PDE10A: variants seen among roughly 807,000 people sequenced by gnomAD.
PDE10A encodes the protein cAMP and cAMP-inhibited cGMP 3',5'-cyclic phosphodiesterase 10A.
Under a neutral mutation model 97.7 loss-of-function variants are expected in PDE10A, and 39 were observed. The ratio of observed to expected loss-of-function variants is 0.40; its 90% CI spans 0.31 to 0.52. The LOEUF (loss-of-function observed/expected upper bound fraction) is 0.52, where lower values mean the gene tolerates loss of function less well. Ranked by LOEUF, PDE10A falls within the 20% of genes least tolerant of loss-of-function variation. The pLI, the probability that PDE10A is intolerant of heterozygous loss-of-function variation, is 0.56. For missense variants in PDE10A, 731 were observed against 1,047.8 expected (o/e 0.70, Z 4.17); for synonymous variants, 371 against 376.8 (o/e 0.98, Z 0.18).
intron 1 of PDE10A, among the ~76,000 whole-genome samples, chr6:165,601,668 G>C (rs1786959626): frequency 1.3e-5 from 2 of 152,180 alleles, no homozygotes; most frequent in African/African-American, 4.8e-5. Flanking sequence ...TAACTACTTA[G>C]TGTTTCTCGA....
At chr6:165,376,634 G>A (rs1450593117) in intron 18 of PDE10A, among the ~76,000 whole-genome samples, 2 of 152,206 alleles carry the variant, frequency 1.3e-5, no homozygotes, top group East Asian at 1.9e-4. Context: ...CCACATCCAG[G>A]CTGGGCACAG....
chr6:165,826,778 AGG>A (rs146792973), intron 1 of PDE10A, among the ~76,000 whole-genome samples: 1 of 68,298 alleles, frequency 1.5e-5, no homozygotes, highest in Admixed American at 1.5e-4. Flanking sequence ...TGCGGTTGGG[AGG>A]GGGGACGCAC....
In PDE10A at chr6:165,661,677, G is replaced by A. The variant is rs117579087; in HGVS notation, c.865+270C>T. The A allele has an allele frequency of 4.7e-6, 2 of 427,878 alleles. No individual in the cohort carries two copies. The highest frequency in any genetic ancestry group is 8.2e-5 in the East Asian group (2 of 24,404). The allele number at this position is 427,878 out of a possible 1,614,324, so 26.5% of individuals were successfully genotyped here. A position where few individuals can be genotyped will look rare whatever the true frequency, so the allele number is the denominator to read the frequency against. ...GGAGGCGGCAGGTCCCGCTCGCAAC[G>A]TCCAAGCTCCCGCCGCCCTCCCGAG... On this transcript the variant is annotated intron_variant, in intron 1 of 21. Coordinates refer to ENST00000539869, the MANE Select transcript of PDE10A (RefSeq NM_001385079.1). The surrounding 1 kb of genome is among the most constrained non-coding windows in gnomAD (Gnocchi z 4.8).
At chr6:165,609,314 C>T (rs1425395652) in intron 1 of PDE10A, among the ~76,000 whole-genome samples, 7 of 152,310 alleles carry the variant, frequency 4.6e-5, no homozygotes, top group South Asian at 2.1e-4. Flanking sequence ...AACAGCCCTT[C>T]ATGCTAAAAA....
intron 5 of PDE10A, among the ~76,000 whole-genome samples, chr6:165,440,463 G>A (rs1210304533): frequency 6.6e-6 from 1 of 152,188 alleles, no homozygotes; most frequent in African/African-American, 2.4e-5. Flanking sequence ...GGGGCAGGGG[G>A]AAGCTATGTT....
intron 1 of PDE10A, among the ~76,000 whole-genome samples, chr6:165,742,488 A>G (rs777854764): frequency 5.4e-4 from 82 of 152,126 alleles, no homozygotes; most frequent in Non-Finnish European, 9.1e-4. Flanking sequence ...TCTGATGCCA[A>G]ACCCCCACTG....
Position 165,332,947 on chromosome 6 carries a change from C to T in PDE10A, c.*78G>A, listed in dbSNP as rs1781425206. On this transcript the variant is annotated 3_prime_UTR_variant, in exon 22 of 22. Transcript: ENST00000539869. ...ACCAGGTGCAGGTTCCCCCCACCCC[C>T]CCCAAAAAAAGGAAAAGAATGTCAA... 2 of 671,390 alleles carry T rather than the reference C, an allele frequency of 3.0e-6. No individual in the cohort carries two copies. The highest frequency in any genetic ancestry group is 5.4e-6 in the Non-Finnish European group (2 of 372,220). The allele number at this position is 671,390 out of a possible 1,614,324, so 41.6% of individuals were successfully genotyped here.
chr6:165,801,976 A>G (rs1778998217), intron 1 of PDE10A, among the ~76,000 whole-genome samples: 1 of 152,174 alleles, frequency 6.6e-6, no homozygotes, highest in Admixed American at 6.5e-5. Flanking sequence ...ACGTGTTTTT[A>G]AGAGGAAAAA....
chr6:165,540,394 T>C lies in PDE10A; in HGVS notation c.994+3046A>G, dbSNP rs936950463. On this transcript the variant is annotated intron_variant, in intron 2 of 21. Coordinates refer to ENST00000539869, the MANE Select transcript of PDE10A (RefSeq NM_001385079.1). ...TTGTACATATTTATGGGGTACAGTG[T>C]GTTACACGGTTTTATTTCATTTTCT... 6.0e-4 allele frequency among the ~76,000 whole-genome samples: 91 copies of C among 152,354 alleles called. 1 individual carries two copies. Among genetic ancestry groups the C allele is most frequent in the African/African-American group, 2.1e-3 (87 of 41,574 alleles).
At chr6:165,668,819 G>C (rs1474882140) in intron 1 of PDE10A, among the ~76,000 whole-genome samples, 1 of 143,132 alleles carries the variant, frequency 7.0e-6, no homozygotes. Flanking sequence ...GGGAGGGAGG[G>C]AGGGAGGGTT....
At chr6:165,650,212 G>A (rs867650239) in intron 1 of PDE10A, among the ~76,000 whole-genome samples, 3 of 152,258 alleles carry the variant, frequency 2.0e-5, no homozygotes, top group Non-Finnish European at 2.9e-5. Flanking sequence ...GCAATTCACC[G>A]TTAATTCAAT....
At chr6:165,749,499 CCAT>C (rs1200775270) in intron 1 of PDE10A, among the ~76,000 whole-genome samples, 4 of 152,092 alleles carry the variant, frequency 2.6e-5, no homozygotes, top group African/African-American at 9.7e-5. Context: ...ACCATCACCA[CCAT>C]CATCACCATT....
chr6:165,643,345 T>C (rs1789237773), intron 1 of PDE10A, among the ~76,000 whole-genome samples: 1 of 152,080 alleles, frequency 6.6e-6, no homozygotes, highest in African/African-American at 2.4e-5. Flanking sequence ...AGCCTTGCCA[T>C]GGGTTTGCTG....
At chr6:165,562,621 C>A (rs1010639049) in intron 1 of PDE10A, among the ~76,000 whole-genome samples, 50 of 152,086 alleles carry the variant, frequency 3.3e-4, no homozygotes, top group African/African-American at 1.2e-3. Context: ...TTCTGTTTTC[C>A]AAGTTTCCGT....
chr6:165,379,373 A>G lies in PDE10A; in HGVS notation c.2611-7T>C. ...AGATATTGTGCCCTTCCAACTAGGG[A>G]AAAAATACAAATAAAAACCACCAAT... On this transcript the variant is annotated splice_polypyrimidine_tract_variant and splice_region_variant and intron_variant, in intron 17 of 21. Transcript: ENST00000539869. 6.3e-7 allele frequency: 1 copy of G among 1,599,852 alleles called. No individual in the cohort carries two copies. Among genetic ancestry groups the G allele is most frequent in the South Asian group, 1.1e-5 (1 of 88,472 alleles).
In PDE10A at chr6:165,388,234, T is replaced by C. The variant is rs1053246987; in HGVS notation, c.2610+64A>G. The C allele has an allele frequency of 6.1e-6, 9 of 1,478,660 alleles. No individual in the cohort carries two copies. Among genetic ancestry groups the C allele is most frequent in the Non-Finnish European group, 8.5e-6 (9 of 1,062,522 alleles). The allele number at this position is 1,478,660 out of a possible 1,614,324, so 91.6% of individuals were successfully genotyped here. On this transcript the variant is annotated intron_variant, in intron 17 of 21. Coordinates refer to ENST00000539869, the MANE Select transcript of PDE10A (RefSeq NM_001385079.1). This position sits in a 1 kb window ranked among gnomAD's most constrained non-coding sequence, Gnocchi z 4.0. ...CATAATGATCTTCCTTTTCCACCTATGAAGTATCCCTATCTCCCAGACAGC... is the reference window on the plus strand; with the variant it reads ...CATAATGATCTTCCTTTTCCACCTACGAAGTATCCCTATCTCCCAGACAGC...
At chr6:165,690,167 G>A (rs73255502) in intron 1 of PDE10A, among the ~76,000 whole-genome samples, 8,708 of 152,106 alleles carry the variant, frequency 0.057, 629 homozygotes, top group African/African-American at 0.16. Context: ...TTCTTCTTCC[G>A]TGTGCCACCT....
At chr6:165,875,746 T>TTTTTTTTTTTTTTTTTTTG (rs780504850) in intron 1 of PDE10A, among the ~76,000 whole-genome samples, 5 of 147,052 alleles carry the variant, frequency 3.4e-5, no homozygotes, top group African/African-American at 1.3e-4. Context: ...TTTTTTTTTT[T>TTTTTTTTTTTTTTTTTTTG]TGTGTGTGTG....
At chr6:165,652,785 T>G (rs1449901378) in intron 1 of PDE10A, among the ~76,000 whole-genome samples, 5 of 152,244 alleles carry the variant, frequency 3.3e-5, no homozygotes, top group Admixed American at 1.3e-4. Context: ...ATTCATCATA[T>G]TCAAACACGT....
Sources: allele counts gnomAD v4.1 joint callset (sites outside exome capture counted in the v4.1 genomes callset), GRCh38; gene constraint gnomAD v4.1.1; non-coding constraint Gnocchi (gnomAD v3.1); transcripts MANE v1.5; gene names NCBI Gene and HGNC (gene_info 2026-07-23, HGNC 2026-07-21).